The following CDKAL1 variants were observed in gnomAD, a reference collection of about 807,000 sequenced individuals.
The protein encoded by CDKAL1 is threonylcarbamoyladenosine tRNA methylthiotransferase.
Under a neutral mutation model 68.2 loss-of-function variants are expected in CDKAL1, and 32 were observed. The ratio of observed to expected loss-of-function variants is 0.47; its 90% CI spans 0.35 to 0.63. The LOEUF (loss-of-function observed/expected upper bound fraction) is 0.63, where lower values mean the gene tolerates loss of function less well. Ranked by LOEUF, CDKAL1 falls within the 30% of genes least tolerant of loss-of-function variation. The pLI is 0.00. For missense variants in CDKAL1, 606 were observed against 696.7 expected (o/e 0.87, Z 1.47); for synonymous variants, 234 against 244.3 (o/e 0.96, Z 0.39).
intron 13 of CDKAL1, among the ~76,000 whole-genome samples, chr6:21,182,038 T>C (rs1053650492): frequency 2.6e-5 from 4 of 152,218 alleles, no homozygotes; most frequent in Admixed American, 2.6e-4. Flanking sequence ...AAGACCTATA[T>C]CTAACTTACA....
At chr6:21,113,682 C>T (rs544149428) in intron 13 of CDKAL1, among the ~76,000 whole-genome samples, 21 of 151,326 alleles carry the variant, frequency 1.4e-4, no homozygotes, top group Admixed American at 1.1e-3. Flanking sequence ...TTGGCCAGGC[C>T]GGTCTCGAAC....
At chr6:21,156,268 T>A (rs1218929149) in intron 13 of CDKAL1, among the ~76,000 whole-genome samples, 2 of 151,482 alleles carry the variant, frequency 1.3e-5, no homozygotes, top group East Asian at 1.9e-4. Flanking sequence ...AAAAAATTTT[T>A]AAAAAATTAG....
intron 3 of CDKAL1, among the ~76,000 whole-genome samples, chr6:20,547,955 C>T (rs1763669073): frequency 6.6e-6 from 1 of 152,158 alleles, no homozygotes; most frequent in South Asian, 2.1e-4. Flanking sequence ...GCTAGAACCA[C>T]TTTCTTTCCT....
At chr6:21,121,660 G>A (rs534809960) in intron 13 of CDKAL1, among the ~76,000 whole-genome samples, 6 of 152,150 alleles carry the variant, frequency 3.9e-5, no homozygotes, top group Admixed American at 2.0e-4. Flanking sequence ...TAGAATGTCA[G>A]CTGTACCACT....
At chr6:20,646,207 C>T (rs1768452338) in intron 4 of CDKAL1, among the ~76,000 whole-genome samples, 1 of 151,786 alleles carries the variant, frequency 6.6e-6, no homozygotes, top group Non-Finnish European at 1.5e-5. Flanking sequence ...CAGGCGCCTG[C>T]TACTGCACCC....
chr6:20,536,002 G>A (rs1237040154), intron 2 of CDKAL1, among the ~76,000 whole-genome samples: 1 of 152,122 alleles, frequency 6.6e-6, no homozygotes, highest in Non-Finnish European at 1.5e-5. Flanking sequence ...CTCGATTACG[G>A]CTCACTGCAG....
chr6:21,082,244 A>T (rs1280772617), intron 12 of CDKAL1, among the ~76,000 whole-genome samples: 1 of 149,234 alleles, frequency 6.7e-6, no homozygotes, highest in Admixed American at 6.7e-5. Context: ...GCCTTCAGAG[A>T]AGTGTGGATA....
chr6:20,968,900 A>G (rs1049223234), intron 10 of CDKAL1, among the ~76,000 whole-genome samples: 1 of 152,056 alleles, frequency 6.6e-6, no homozygotes. Flanking sequence ...AAAGTCTAAT[A>G]TCTGGGCTTT....
At chr6:21,094,820 G>C (rs1236492085) in intron 12 of CDKAL1, among the ~76,000 whole-genome samples, 2 of 152,180 alleles carry the variant, frequency 1.3e-5, no homozygotes, top group Non-Finnish European at 2.9e-5. Context: ...AGTTATTACA[G>C]TTTGAAAATA....
chr6:20,942,173 A>G (rs967499455), intron 9 of CDKAL1, among the ~76,000 whole-genome samples: 1 of 152,142 alleles, frequency 6.6e-6, no homozygotes, highest in African/African-American at 2.4e-5. Flanking sequence ...GGTTGCCCTC[A>G]GGTTTAAATA....
intron 11 of CDKAL1, among the ~76,000 whole-genome samples, chr6:21,015,177 A>C (rs761774725): frequency 3.9e-5 from 6 of 152,190 alleles, no homozygotes; most frequent in Non-Finnish European, 8.8e-5. Context: ...AGAGATGGAG[A>C]GGAGAAACTC....
At chr6:20,856,669 G>A (rs528224415) in intron 9 of CDKAL1, among the ~76,000 whole-genome samples, 20 of 152,272 alleles carry the variant, frequency 1.3e-4, no homozygotes, top group Middle Eastern at 3.4e-3. Context: ...TTGTGACCAG[G>A]TACAAGAGTT....
At chr6:21,140,779 A>G (rs1775860831) in intron 13 of CDKAL1, among the ~76,000 whole-genome samples, 1 of 152,204 alleles carries the variant, frequency 6.6e-6, no homozygotes, top group African/African-American at 2.4e-5. Flanking sequence ...TGCTATGTGT[A>G]TTAGTCCGTT....
intron 9 of CDKAL1, among the ~76,000 whole-genome samples, chr6:20,936,901 G>A (rs976999812): frequency 1.3e-5 from 2 of 152,110 alleles, no homozygotes; most frequent in Non-Finnish European, 2.9e-5. Flanking sequence ...AATTTCACCT[G>A]AAGCTCCTAG....
chr6:21,061,089 A>T (rs1209713627), intron 11 of CDKAL1, among the ~76,000 whole-genome samples: 2 of 152,188 alleles, frequency 1.3e-5, no homozygotes, highest in Non-Finnish European at 1.5e-5. Context: ...ATTCAAGGTG[A>T]AATAATTAAC....
intron 9 of CDKAL1, among the ~76,000 whole-genome samples, chr6:20,911,393 C>T (rs557573412): frequency 2.2e-4 from 34 of 152,294 alleles, no homozygotes; most frequent in East Asian, 3.9e-4. Flanking sequence ...GAAAAGGAGG[C>T]GCTCTGTTGA....
chr6:21,009,067 A>G (rs1027232106), intron 11 of CDKAL1, among the ~76,000 whole-genome samples: 1 of 152,230 alleles, frequency 6.6e-6, no homozygotes, highest in African/African-American at 2.4e-5. Context: ...AGTGGTTTAC[A>G]TGAATTAACT....
intron 13 of CDKAL1, among the ~76,000 whole-genome samples, chr6:21,158,698 G>A (rs776486927): frequency 6.6e-6 from 1 of 152,224 alleles, no homozygotes; most frequent in Non-Finnish European, 1.5e-5. Flanking sequence ...ATTCATAGAA[G>A]AATAGACAGT....
intron 4 of CDKAL1, among the ~76,000 whole-genome samples, chr6:20,624,497 C>A (rs1213861073): frequency 1.3e-5 from 2 of 151,940 alleles, no homozygotes; most frequent in East Asian, 3.9e-4. Flanking sequence ...ATTTTATATA[C>A]ATGTGAAGGT....
Sources: gnomAD v4.1 joint callset for allele counts (sites outside exome capture counted in the v4.1 genomes callset) on GRCh38, gnomAD v4.1.1 for gene constraint, MANE v1.5 for transcripts, NCBI Gene and HGNC (gene_info 2026-07-23, HGNC 2026-07-21) for gene names.